The following MAPRE2 variants were observed in gnomAD, a reference collection of about 807,000 sequenced individuals.
MAPRE2 encodes microtubule associated protein RP/EB family member 2, also known as microtubule-associated protein RP/EB family member 2.
MAPRE2 carries 13 observed loss-of-function variants against 43.2 expected under a neutral mutation model. The observed-to-expected ratio is 0.30, with a 90% CI of 0.20 to 0.48. MAPRE2 has a LOEUF of 0.48. MAPRE2 is among the 20% of genes least tolerant of loss of function. The probability of loss-of-function intolerance (pLI) is 0.99; values close to 1 mark genes in which losing one functional copy is unlikely to be tolerated. For missense variants in MAPRE2, 161 were observed against 400.2 expected, an observed-to-expected ratio of 0.40 and a Z score of 5.10; for synonymous variants, 135 against 148.8, an observed-to-expected ratio of 0.91 and a Z score of 0.68.
At chr18:34,985,359 A>AATATAATATATAATATATTATATTATAT (rs2097019652) in intron 1 of MAPRE2, among the ~76,000 whole-genome samples, 2 of 39,652 alleles carry the variant, frequency 5.0e-5, no homozygotes, top group Admixed American at 5.0e-4. Context: ...TTATATATAT[A>AATATAATATATAATATATTATATTATAT]ATATAATATA....
intron 2 of MAPRE2, 123 bp from the exon 3 acceptor site, chr18:35,097,323 A>G (rs1045807030): frequency 4.1e-5 from 34 of 827,832 alleles, no homozygotes; most frequent in Non-Finnish European, 5.0e-5. Context: ...ATTGGTAAGA[A>G]GGACACACTC....
At chr18:35,032,529 C>T (rs2097048319) in intron 2 of MAPRE2, among the ~76,000 whole-genome samples, 1 of 152,076 alleles carries the variant, frequency 6.6e-6, no homozygotes, top group Non-Finnish European at 1.5e-5. Flanking sequence ...TGATTTCTGT[C>T]AATACAGAAT....
At chr18:35,010,527 A>AT (rs1406734410) in intron 2 of MAPRE2, among the ~76,000 whole-genome samples, 5 of 152,178 alleles carry the variant, frequency 3.3e-5, no homozygotes, top group African/African-American at 1.2e-4. Flanking sequence ...TGAAATATTG[A>AT]TTTTCTTTCC....
At chr18:35,028,756 T>C (rs1568976342) in intron 2 of MAPRE2, among the ~76,000 whole-genome samples, 1 of 152,238 alleles carries the variant, frequency 6.6e-6, no homozygotes, top group Non-Finnish European at 1.5e-5. Context: ...CAAGCCATTA[T>C]TTCTCATTCA....
chr18:35,024,234 T>C (rs1243120129), intron 2 of MAPRE2, among the ~76,000 whole-genome samples: 2 of 152,174 alleles, frequency 1.3e-5, no homozygotes, highest in Non-Finnish European at 2.9e-5. Context: ...TACCATGAGC[T>C]GGGATTTTTA....
chr18:35,026,651 C>T (rs2097045391), intron 2 of MAPRE2, among the ~76,000 whole-genome samples: 1 of 152,156 alleles, frequency 6.6e-6, no homozygotes, highest in South Asian at 2.1e-4. Context: ...TATTTGCTAG[C>T]TCTGTGGAAA....
intron 4 of MAPRE2, among the ~76,000 whole-genome samples, chr18:35,124,247 G>T (rs1264051505): frequency 6.6e-6 from 1 of 152,168 alleles, no homozygotes; most frequent in Admixed American, 6.5e-5. Context: ...GAAGGAGGAA[G>T]TGCCAAGCAA....
chr18:34,984,954 TATATATAAA>T lies in MAPRE2; in HGVS notation c.-70+7884_-70+7892del, dbSNP rs1350931279. ...ATGTTATATAATATATAAAATATAT[TATATATAAA>T]ATATATAATATATAAAATATATTAT... is the stretch of plus-strand genomic sequence containing the variant. On this transcript the variant is annotated intron_variant, in intron 1 of 7. Coordinates refer to the MAPRE2 transcript ENST00000413393. Among the ~76,000 whole-genome samples the T allele has an allele frequency of 4.0e-3, 66 of 16,696 alleles. 10 individuals carry two copies. The highest frequency in any genetic ancestry group is 0.011 in the African/African-American group (65 of 5,832). 11.0% of individuals were successfully genotyped at this position (16,696 alleles called of 152,430 possible).
intron 4 of MAPRE2, among the ~76,000 whole-genome samples, chr18:35,122,959 T>C (rs1020011490): frequency 1.3e-5 from 2 of 152,196 alleles, no homozygotes; most frequent in African/African-American, 4.8e-5. Flanking sequence ...ACAAAACCTG[T>C]TTCCCCAAGT....
rs944570648 is a variant in MAPRE2 at position 35,141,699 on chromosome 18, C to T, written c.*1330C>T. Reference sequence around the variant, plus strand: ...TATTTTTTCCTTTGACAGATGGTATCCCTTCCTGGATCATTCATTTCACCT... The same window carrying T: ...TATTTTTTCCTTTGACAGATGGTATTCCTTCCTGGATCATTCATTTCACCT... On this transcript the variant is annotated 3_prime_UTR_variant, in exon 7 of 7. Coordinates refer to ENST00000300249, the MANE Select transcript of MAPRE2 (RefSeq NM_014268.4). 1 of 151,858 alleles carries T rather than the reference C, an allele frequency of 6.6e-6. No homozygotes were observed. Among genetic ancestry groups the T allele is most frequent in the African/African-American group, 2.4e-5 (1 of 41,286 alleles). 9.4% of individuals were successfully genotyped at this position (151,858 alleles called of 1,614,324 possible).
At chr18:35,010,333 G>A (rs9950776) in intron 2 of MAPRE2, among the ~76,000 whole-genome samples, 119,021 of 152,182 alleles carry the variant, frequency 0.78, 47,223 homozygotes, top group East Asian at 0.98. Context: ...TTGAATCCAA[G>A]AGTTCAAGGC....
At chr18:35,054,240 C>T (rs890071245) in intron 1 of MAPRE2, among the ~76,000 whole-genome samples, 1 of 152,120 alleles carries the variant, frequency 6.6e-6, no homozygotes, top group African/African-American at 2.4e-5. Context: ...CTAAAAGGAT[C>T]GACTGAGGGA....
chr18:35,015,101 T>C (rs1031572969), intron 2 of MAPRE2, among the ~76,000 whole-genome samples: 8 of 152,032 alleles, frequency 5.3e-5, no homozygotes, highest in Admixed American at 1.3e-4. Flanking sequence ...AAACAAGAAA[T>C]GTGTTTCCTC....
intron 6 of MAPRE2, among the ~76,000 whole-genome samples, chr18:35,135,744 AT>A (rs1271047188): frequency 2.6e-5 from 4 of 152,194 alleles, no homozygotes; most frequent in Non-Finnish European, 5.9e-5. Context: ...TGATGGGTAG[AT>A]TTGCACCCAT....
intron 2 of MAPRE2, among the ~76,000 whole-genome samples, chr18:35,079,528 CAT>C (rs1907533677): frequency 6.6e-6 from 1 of 152,194 alleles, no homozygotes; most frequent in Non-Finnish European, 1.5e-5. Context: ...CCTTCATTCC[CAT>C]GTCTGGTTTC....
At chr18:35,139,651 A>G (rs2144265512) in intron 6 of MAPRE2, among the ~76,000 whole-genome samples, 1 of 152,324 alleles carries the variant, frequency 6.6e-6, no homozygotes, top group East Asian at 1.9e-4. Flanking sequence ...CCTCATTGGG[A>G]GGGGCCTCTT....
chr18:35,102,607 A>G (rs913788600), intron 4 of MAPRE2, among the ~76,000 whole-genome samples: 1 of 152,036 alleles, frequency 6.6e-6, no homozygotes, highest in Non-Finnish European at 1.5e-5. Context: ...TGTACATCCT[A>G]CCTCCTCTGT....
intron 2 of MAPRE2, among the ~76,000 whole-genome samples, chr18:35,074,035 GACAA>G (rs1420756147): frequency 6.6e-6 from 1 of 152,080 alleles, no homozygotes; most frequent in South Asian, 2.1e-4. Context: ...TATTTCTTGT[GACAA>G]ACAACCTTTA....
Position 35,127,093 on chromosome 18 carries a change from G to T in MAPRE2, c.750+6G>T, listed in dbSNP as rs564578421. The T allele has an allele frequency of 1.3e-4, 204 of 1,614,066 alleles. No individual in the cohort carries two copies. Among genetic ancestry groups the T allele is most frequent in the Admixed American group, 3.2e-4 (19 of 60,016 alleles). On this transcript the variant is annotated splice_donor_region_variant and intron_variant, in intron 5 of 6. Transcript: ENST00000300249. ...TCATACAGCTTAATGAACAGGTAAT[G>T]CATCAGCTCTGGCCACGCCTCTAGG... is the stretch of plus-strand genomic sequence containing the variant.
Sources: allele counts gnomAD v4.1 joint callset (sites outside exome capture counted in the v4.1 genomes callset), GRCh38; gene constraint gnomAD v4.1.1; transcripts MANE v1.5; gene names NCBI Gene and HGNC (gene_info 2026-07-23, HGNC 2026-07-21).